The following DHRSX variants were observed in gnomAD, a reference collection of about 807,000 sequenced individuals.
DHRSX encodes polyprenol dehydrogenase.
In DHRSX, 31 loss-of-function variants were observed where a neutral mutation model predicts 34.0. The observed-to-expected ratio is 0.91, with a 90% CI of 0.69 to 1.23. The LOEUF is 1.23. DHRSX is among the 50% of genes most tolerant of loss of function. DHRSX has a pLI of 0.00. For synonymous variants in DHRSX, 201 were observed against 183.8 expected, an observed-to-expected ratio of 1.09 and a Z score of -0.76; for missense variants, 414 against 428.1, an observed-to-expected ratio of 0.97 and a Z score of 0.29.
At chrX:2,326,083 C>T (rs1276662353) in intron 3 of DHRSX, among the ~76,000 whole-genome samples, 1 of 152,160 alleles carries the variant, frequency 6.6e-6, no homozygotes, top group African/African-American at 2.4e-5. Flanking sequence ...GATCACAAGA[C>T]GAAATGCTGC....
intron 5 of DHRSX, among the ~76,000 whole-genome samples, chrX:2,257,402 C>T (rs1416087582): frequency 6.6e-6 from 1 of 152,242 alleles, no homozygotes; most frequent in East Asian, 1.9e-4. Context: ...GGGGAACACA[C>T]ATCCAGGCAA....
intron 4 of DHRSX, among the ~76,000 whole-genome samples, chrX:2,267,838 C>T (rs1387802943): frequency 2.0e-5 from 3 of 151,772 alleles, no homozygotes; most frequent in African/African-American, 7.3e-5. Context: ...CCCAGCTACT[C>T]GGGGAGGTTG....
At position 2,314,358 on chromosome X, in the gene DHRSX, A is replaced by AGGG. The variant is rs2042207319; in HGVS notation, c.287-22756_287-22755insCCC. ...AGGGAGGGAAAGGAGGGAGGGAGGG[A>AGGG]AAGAAGGGAGAGAGGGAAAGGAATG... On this transcript the variant is annotated intron_variant, in intron 3 of 6. Coordinates refer to ENST00000334651, the MANE Select transcript of DHRSX (RefSeq NM_145177.3). Among the ~76,000 whole-genome samples the AGGG allele has an allele frequency of 1.1e-4, 2 of 17,438 alleles. 1 individual carries two copies. Among genetic ancestry groups the AGGG allele is most frequent in the African/African-American group, 7.0e-4 (2 of 2,862 alleles). The allele number at this position is 17,438 out of a possible 152,430, so 11.4% of individuals were successfully genotyped here. A position where few individuals can be genotyped will look rare whatever the true frequency, so the allele number is the denominator to read the frequency against.
intron 3 of DHRSX, among the ~76,000 whole-genome samples, chrX:2,324,840 C>T (rs978959306): frequency 1.3e-4 from 20 of 148,858 alleles, no homozygotes; most frequent in African/African-American, 4.0e-4. Context: ...GTGATGTTCG[C>T]TCATTGCAAC....
chrX:2,238,424 G>T (rs1219574891), intron 6 of DHRSX, among the ~76,000 whole-genome samples: 2 of 152,070 alleles, frequency 1.3e-5, no homozygotes, highest in Non-Finnish European at 2.9e-5. Flanking sequence ...TACTGGCCGT[G>T]AATTTGGAAT....
chrX:2,372,775 A>AT (rs761564916), intron 3 of DHRSX, among the ~76,000 whole-genome samples: 22 of 151,754 alleles, frequency 1.4e-4, no homozygotes, highest in Non-Finnish European at 2.8e-4. Context: ...TGCCCGGCTA[A>AT]TTTTTTGTAT....
At chrX:2,319,789 G>A (rs1372115974) in intron 3 of DHRSX, among the ~76,000 whole-genome samples, 1 of 151,894 alleles carries the variant, frequency 6.6e-6, no homozygotes, top group Admixed American at 6.6e-5. Flanking sequence ...CTGCATAGAG[G>A]TCAGTACCCC....
chrX:2,365,756 T>C (rs1232275514), intron 3 of DHRSX, among the ~76,000 whole-genome samples: 2 of 151,978 alleles, frequency 1.3e-5, no homozygotes, highest in African/African-American at 4.8e-5. Context: ...TTGGTGAGCC[T>C]TGGGTGGATA....
At chrX:2,344,090 A>G (rs1398252340) in intron 3 of DHRSX, among the ~76,000 whole-genome samples, 9 of 152,162 alleles carry the variant, frequency 5.9e-5, no homozygotes, top group Admixed American at 2.0e-4. Context: ...ACAACCATAC[A>G]TGGGCCTGGT....
At chrX:2,345,595 C>T (rs73630281) in intron 3 of DHRSX, among the ~76,000 whole-genome samples, 1,718 of 147,694 alleles carry the variant, frequency 0.012, 37 homozygotes, top group African/African-American at 0.042. Flanking sequence ...TGCATTGAGC[C>T]AAGATCGCAC....
At chrX:2,407,691 G>A (rs1218408052) in intron 3 of DHRSX, among the ~76,000 whole-genome samples, 12 of 152,124 alleles carry the variant, frequency 7.9e-5, no homozygotes, top group Non-Finnish European at 1.5e-4. Flanking sequence ...CACCCTGACC[G>A]ACCTCCTACA....
intron 6 of DHRSX, among the ~76,000 whole-genome samples, chrX:2,234,630 T>C (rs1485986813): frequency 3.3e-5 from 5 of 152,272 alleles, no homozygotes; most frequent in African/African-American, 7.2e-5. Flanking sequence ...TGGAATATTA[T>C]GCAGTCATAT....
At chrX:2,253,771 G>GT (rs1451193255) in intron 5 of DHRSX, among the ~76,000 whole-genome samples, 1 of 152,140 alleles carries the variant, frequency 6.6e-6, no homozygotes, top group Non-Finnish European at 1.5e-5. Flanking sequence ...ACTTTTGAGT[G>GT]TTTATAAGAC....
At chrX:2,291,966 T>C (rs2041872483) in intron 3 of DHRSX, among the ~76,000 whole-genome samples, 1 of 149,576 alleles carries the variant, frequency 6.7e-6, no homozygotes, top group Admixed American at 6.8e-5. Context: ...TCTCAAACTC[T>C]TGACCTCAGG....
chrX:2,408,759 G>T lies in DHRSX; in HGVS notation c.272C>A (p.Thr91Asn), dbSNP rs1369834823. 3.1e-6 allele frequency: 5 copies of T among 1,611,874 alleles called. No individual in the cohort carries two copies. The highest frequency in any genetic ancestry group is 4.2e-6 in the Non-Finnish European group (5 of 1,179,490). The change falls in exon 3 of 7, where the codon ACC (threonine) becomes AAC (asparagine). Residue 91 changes from threonine to asparagine, a missense_variant. Physicochemically the swap from Thr to Asn is moderately conservative, Grantham distance 65. Coordinates refer to ENST00000334651, the MANE Select transcript of DHRSX (RefSeq NM_145177.3). ...KQVVSKIKEETLNDKVEFLYC... is the reference protein window; with the variant it reads ...KQVVSKIKEENLNDKVEFLYC... ...TCTCTCGGTACCTTTGTCGTTCAAG[G>T]TTTCTTCTTTTATTTTGCTTACAAC...
intron 1 of DHRSX, among the ~76,000 whole-genome samples, chrX:2,468,569 CTA>C (rs2044534081): frequency 6.6e-6 from 1 of 151,806 alleles, no homozygotes; most frequent in East Asian, 1.9e-4. Context: ...GGCCACGGGA[CTA>C]CTGCCATGTA....
At chrX:2,452,332 G>C (rs1421649419) in intron 1 of DHRSX, among the ~76,000 whole-genome samples, 2 of 148,416 alleles carry the variant, frequency 1.3e-5, no homozygotes, top group Non-Finnish European at 3.0e-5. Flanking sequence ...GCCAAGGGAC[G>C]GCACTGAAGA....
Position 2,282,784 on chromosome X carries a change from G to GAGAGAGAGAGA in DHRSX, c.388+8717_388+8718insTCTCTCTCTCT, listed in dbSNP as rs764564153. 2.5e-3 allele frequency among the ~76,000 whole-genome samples: 183 copies of GAGAGAGAGAGA among 73,836 alleles called. 10 individuals are homozygous for GAGAGAGAGAGA. Among genetic ancestry groups the GAGAGAGAGAGA allele is most frequent in the Non-Finnish European group, 4.5e-3 (142 of 31,338 alleles). 48.4% of individuals were successfully genotyped at this position (73,836 alleles called of 152,430 possible). ...GGGGAGAAAGCGAGGGAGGGAGGGG[G>GAGAGAGAGAGA]AGAGAGAGAAGAAAGAGAGAAGAGA... is the stretch of plus-strand genomic sequence containing the variant. On this transcript the variant is annotated intron_variant, in intron 4 of 6. Transcript: ENST00000334651.
chrX:2,378,747 T>TGCAAC (rs2043170481), intron 3 of DHRSX, among the ~76,000 whole-genome samples: 1 of 152,076 alleles, frequency 6.6e-6, no homozygotes, highest in Middle Eastern at 3.2e-3. Flanking sequence ...CTCGGCTCAC[T>TGCAAC]GCAACCTCCA....
Sources: allele counts gnomAD v4.1 joint callset (sites outside exome capture counted in the v4.1 genomes callset), GRCh38; gene constraint gnomAD v4.1.1; transcripts MANE v1.5; gene names NCBI Gene and HGNC (gene_info 2026-07-23, HGNC 2026-07-21).